RCOR1: variants seen among roughly 807,000 people sequenced by gnomAD.
The protein encoded by RCOR1 is REST corepressor.
A neutral mutation model predicts 64.0 loss-of-function variants in RCOR1; 12 were observed. The ratio of observed to expected loss-of-function variants is 0.19; its 90% CI spans 0.12 to 0.30. The LOEUF is 0.30. RCOR1 is among the 10% of genes least tolerant of loss of function. The pLI, the probability that RCOR1 is intolerant of heterozygous loss-of-function variation, is 1.00. For synonymous variants in RCOR1, 279 were observed against 227.2 expected, an observed-to-expected ratio of 1.23 and a Z score of -2.05; for missense variants, 502 against 621.2, an observed-to-expected ratio of 0.81 and a Z score of 2.04.
At chr14:102,624,893 G>A (rs1893950403) in intron 2 of RCOR1, among the ~76,000 whole-genome samples, 2 of 151,988 alleles carry the variant, frequency 1.3e-5, no homozygotes, top group South Asian at 2.1e-4. Flanking sequence ...TGTTTTTTCT[G>A]GAAGTCTTCC....
chr14:102,593,226 C>G (rs761745348), intron 1 of RCOR1, 39 bp downstream of exon 1: 1 of 1,481,972 alleles, frequency 6.7e-7, no homozygotes, highest in Non-Finnish European at 8.9e-7. Flanking sequence ...GGCCCCGCGC[C>G]CCGCGCCGCG....
chr14:102,692,816 A>C (rs1356334420), intron 3 of RCOR1, among the ~76,000 whole-genome samples: 4 of 134,538 alleles, frequency 3.0e-5, no homozygotes, highest in Admixed American at 8.6e-5. Context: ...CACAGGCTGG[A>C]GTGCATTGGC....
At chr14:102,672,068 A>G (rs1028239361) in intron 2 of RCOR1, among the ~76,000 whole-genome samples, 9 of 152,094 alleles carry the variant, frequency 5.9e-5, no homozygotes, top group African/African-American at 1.7e-4. Context: ...TTTTTATTCA[A>G]TCGGTTGATG....
chr14:102,635,234 C>T (rs534188231), intron 2 of RCOR1, among the ~76,000 whole-genome samples: 5 of 152,258 alleles, frequency 3.3e-5, no homozygotes, highest in Admixed American at 2.0e-4. Context: ...CTGCACACGG[C>T]GGCTCATGCC....
At chr14:102,669,969 G>C (rs1894999246) in intron 2 of RCOR1, among the ~76,000 whole-genome samples, 1 of 152,174 alleles carries the variant, frequency 6.6e-6, no homozygotes. Context: ...TAAGAATTTA[G>C]AGACAGAGCC....
At chr14:102,608,575 T>C (rs559405709) in intron 2 of RCOR1, among the ~76,000 whole-genome samples, 3 of 151,822 alleles carry the variant, frequency 2.0e-5, no homozygotes, top group South Asian at 4.2e-4. Context: ...GCTGGGATTA[T>C]AGGTGCGCAC....
chr14:102,597,135 A>G (rs1026170350), intron 2 of RCOR1, among the ~76,000 whole-genome samples: 9 of 151,960 alleles, frequency 5.9e-5, no homozygotes, highest in African/African-American at 2.2e-4. Flanking sequence ...GGCCTCCCAA[A>G]GTGCTGGGAT....
rs1174648358 is a variant in RCOR1, at chr14:102,593,039, C to T, written c.153C>T (p.Ala51=). The stretch of plus-strand genomic sequence containing the variant: ...CCACTGCCGCCTCGGGCGCCGCCGC[C>T]TCCTCAGCCTCGGCCGCCGCCGCCT... ...PAATAASGAA[A]SSASAAAASA... The change falls in exon 1 of 12, where the codon GCC becomes GCT. Residue 51 remains alanine, a synonymous_variant. Coordinates refer to ENST00000262241, the MANE Select transcript of RCOR1 (RefSeq NM_015156.4). 1.8e-5 allele frequency: 23 copies of T among 1,304,126 alleles called. No individual in the cohort carries two copies. Among genetic ancestry groups the T allele is most frequent in the African/African-American group, 3.1e-5 (2 of 63,754 alleles). 80.8% of individuals were successfully genotyped at this position (1,304,126 alleles called of 1,614,324 possible).
Position 102,710,983 on chromosome 14 carries a change from G to A in RCOR1, c.828G>A (p.Glu276=). The A allele has an allele frequency of 6.2e-7, 1 of 1,607,674 alleles. No individual in the cohort carries two copies. Among genetic ancestry groups the A allele is most frequent in the Non-Finnish European group, 8.5e-7 (1 of 1,178,572 alleles). ...ATGGAAACAATCCCATTGACATTGA[G>A]GTTGATCAAAACAAGGAAAGCAAAA... ...EANGNNPIDI[E]VDQNKESKKE... The change falls in exon 7 of 12, where the codon GAG becomes GAA. Residue 276 remains glutamate, a synonymous_variant. Transcript: ENST00000262241.
intron 8 of RCOR1, among the ~76,000 whole-genome samples, chr14:102,718,422 CA>C (rs1896110013): frequency 6.6e-6 from 1 of 152,194 alleles, no homozygotes; most frequent in African/African-American, 2.4e-5. Context: ...CAACCTCTAC[CA>C]GCGAGAAGGG....
At chr14:102,649,739 T>G in intron 2 of RCOR1, 2 of 976,670 alleles carry the variant, frequency 2.0e-6, no homozygotes, top group Non-Finnish European at 2.4e-6. Flanking sequence ...TTTGATGACC[T>G]TCCTGTAGAG....
intron 8 of RCOR1, among the ~76,000 whole-genome samples, chr14:102,720,514 C>G (rs927802598): frequency 1.4e-4 from 22 of 152,200 alleles, no homozygotes; most frequent in Non-Finnish European, 2.9e-4. Flanking sequence ...TTAAAGAAAT[C>G]TATGCTTGTG....
In RCOR1 at chr14:102,682,166, G is replaced by C. The variant is rs571020915; in HGVS notation, c.445+188G>C. On this transcript the variant is annotated intron_variant, in intron 3 of 11. Transcript: ENST00000262241. ...ATTTTTTGAGATGGATTCTGGCTCT[G>C]TTGCCCAGGCTGGAGTGCAGCAGCA... Among the ~76,000 whole-genome samples the C allele has an allele frequency of 2.0e-5, 3 of 152,194 alleles. No individual in the cohort carries two copies. The South Asian group carries it at 6.2e-4, about 32-fold the overall frequency.
rs1327598338 is a variant in RCOR1 at position 102,592,683 on chromosome 14, A to AAGG, written c.-202_-201insGAG. ...GAAGTGAGGGCGGCGATGAGAGCGA[A>AAGG]AGTTGCGCTCGGCTCGTCGCTGGGG... On this transcript the variant is annotated 5_prime_UTR_variant, in exon 1 of 12. Transcript: ENST00000262241. 2.9e-5 allele frequency: 36 copies of AAGG among 1,227,312 alleles called. No individual in the cohort carries two copies. Among genetic ancestry groups the AAGG allele is most frequent in the Non-Finnish European group, 3.6e-5 (35 of 985,364 alleles). 76.0% of individuals were successfully genotyped at this position (1,227,312 alleles called of 1,614,324 possible).
intron 2 of RCOR1, among the ~76,000 whole-genome samples, chr14:102,613,582 G>T (rs1428836097): frequency 6.6e-6 from 1 of 151,614 alleles, no homozygotes; most frequent in Admixed American, 6.6e-5. Context: ...ACAGGCGCCC[G>T]CCACTGCGCC....
At chr14:102,677,215 C>G (rs565195146) in intron 2 of RCOR1, among the ~76,000 whole-genome samples, 1 of 139,574 alleles carries the variant, frequency 7.2e-6, no homozygotes, top group Non-Finnish European at 1.6e-5. Context: ...GGGGCTGACC[C>G]CCCCTCCCCC....
chr14:102,621,298 T>C (rs1054176597), intron 2 of RCOR1, among the ~76,000 whole-genome samples: 38 of 152,132 alleles, frequency 2.5e-4, no homozygotes, highest in African/African-American at 8.9e-4. Context: ...AATAATTCTT[T>C]GTAAGAACAC....
chr14:102,657,728 C>T (rs969923913), intron 2 of RCOR1: 1 of 407,516 alleles, frequency 2.5e-6, no homozygotes, highest in Non-Finnish European at 3.3e-6. Flanking sequence ...ATCCCAGCTA[C>T]TGGGGAGACA....
chr14:102,724,328 T>G (rs1384062093), intron 11 of RCOR1, among the ~76,000 whole-genome samples: 1 of 152,080 alleles, frequency 6.6e-6, no homozygotes, highest in East Asian at 1.9e-4. Flanking sequence ...CATACCTTTC[T>G]TTTCTTTTTT....
Sources: allele counts gnomAD v4.1 joint callset (sites outside exome capture counted in the v4.1 genomes callset), GRCh38; gene constraint gnomAD v4.1.1; transcripts MANE v1.5; gene names NCBI Gene and HGNC (gene_info 2026-07-23, HGNC 2026-07-21).